The following TMC2 variants were observed in gnomAD, a reference collection of about 807,000 sequenced individuals.
The protein encoded by TMC2 is transmembrane channel like 2, also known as transmembrane channel-like protein 2.
TMC2 carries 102 observed loss-of-function variants against 105.9 expected under a neutral mutation model. The observed-to-expected ratio is 0.96, with a 90% CI of 0.82 to 1.14. The LOEUF is 1.14. Among genes scored for constraint, TMC2 ranks in the 50% most tolerant of loss-of-function variants. The pLI is 0.00. For synonymous variants in TMC2, 402 were observed against 422.8 expected (o/e 0.95, Z 0.60); for missense variants, 1,093 against 1,134.3 (o/e 0.96, Z 0.52).
chr20:2,545,875 A>AAGAAAGAGAAAGAAAGAAAAAGAAAGAG (rs2085922488), intron 2 of TMC2, among the ~76,000 whole-genome samples: 1 of 145,892 alleles, frequency 6.9e-6, no homozygotes, highest in Admixed American at 7.1e-5. Flanking sequence ...AAAAGAAAGA[A>AAGAAAGAGAAAGAAAGAAAAAGAAAGAG]AGAAAAAGAA....
chr20:2,608,696 T>G (rs1348360157), intron 11 of TMC2, among the ~76,000 whole-genome samples: 1 of 152,194 alleles, frequency 6.6e-6, no homozygotes, highest in Non-Finnish European at 1.5e-5. Flanking sequence ...TGGCCTCTGT[T>G]CTACTGAGAT....
intron 2 of TMC2, among the ~76,000 whole-genome samples, chr20:2,542,011 A>T (rs1044434299): frequency 1.3e-5 from 2 of 149,058 alleles, no homozygotes; most frequent in Non-Finnish European, 1.5e-5. Context: ...CATTAGTCTC[A>T]TGTTTGATTA....
chr20:2,626,145 G>A (rs999941757), intron 17 of TMC2, among the ~76,000 whole-genome samples: 3 of 152,190 alleles, frequency 2.0e-5, no homozygotes, highest in Non-Finnish European at 4.4e-5. Flanking sequence ...AATACTAGGA[G>A]ATCACTTAAT....
At position 2,641,360 on chromosome 20, in the gene TMC2, A is replaced by G; in HGVS notation, c.*9A>G. On this transcript the variant is annotated 3_prime_UTR_variant, in exon 20 of 20. Coordinates refer to ENST00000358864, the MANE Select transcript of TMC2 (RefSeq NM_080751.3). ...AGAGACCTCCCCACTGATGGCTAGG[A>G]CTCCAGGGAGCCTCGACCCTAGGGC... is the stretch of plus-strand genomic sequence containing the variant. 6.3e-7 allele frequency: 1 copy of G among 1,595,084 alleles called. No homozygotes were observed. The highest frequency in any genetic ancestry group is 1.1e-5 in the South Asian group (1 of 90,558).
At chr20:2,612,569 T>C (rs1164731688) in intron 13 of TMC2, among the ~76,000 whole-genome samples, 1 of 152,194 alleles carries the variant, frequency 6.6e-6, no homozygotes, top group Non-Finnish European at 1.5e-5. Flanking sequence ...CTGGTAGATA[T>C]TTTCAATTTT....
chr20:2,624,227 A>T (rs369615719), intron 16 of TMC2, 44 bp from the exon 17 acceptor site: 32 of 1,594,214 alleles, frequency 2.0e-5, no homozygotes, highest in Non-Finnish European at 2.6e-5. Flanking sequence ...TGAATGCCAC[A>T]GGCACATGGC....
In TMC2 at chr20:2,624,317, G is replaced by A. The variant is rs767111162; in HGVS notation, c.2227G>A (p.Asp743Asn). ...TGTCCTCCAAGAGACCATTGAAAAC[G>A]ATTTCCCAACCTTCCTGGGCAAGAT... ...YDVLQETIEN[D>N]FPTFLGKIFA... Residue 743 changes from aspartate to asparagine, a missense_variant, in exon 17 of 20, where the codon GAT (aspartate) becomes AAT (asparagine). Coordinates refer to ENST00000358864, the MANE Select transcript of TMC2 (RefSeq NM_080751.3). The A allele has an allele frequency of 1.7e-5, 28 of 1,614,038 alleles. No homozygotes were observed. The African/African-American group carries it at 2.1e-4, about 12-fold the overall frequency.
At chr20:2,634,385 T>C (rs1007979553) in intron 17 of TMC2, among the ~76,000 whole-genome samples, 28 of 152,254 alleles carry the variant, frequency 1.8e-4, no homozygotes, top group Non-Finnish European at 2.2e-4. Context: ...TCTATTCATG[T>C]AACACCCATT....
At chr20:2,613,164 A>G (rs776626712) in intron 13 of TMC2, 30 bp from the exon 14 acceptor site, 4 of 1,602,440 alleles carry the variant, frequency 2.5e-6, no homozygotes, top group Admixed American at 3.4e-5. Context: ...AAGGTCTCCA[A>G]CCACCCCCTC....
In TMC2 at chr20:2,616,210, TTATC is replaced by T. The variant is rs2086480619; in HGVS notation, c.1940+7_1940+10del. 3 of 1,610,622 alleles carry T rather than the reference TTATC, an allele frequency of 1.9e-6. No homozygotes were observed. Among genetic ancestry groups the T allele is most frequent in the Non-Finnish European group, 2.5e-6 (3 of 1,177,058 alleles). On this transcript the variant is annotated splice_region_variant and intron_variant, in intron 15 of 19. Coordinates refer to ENST00000358864, the MANE Select transcript of TMC2 (RefSeq NM_080751.3). The surrounding 1 kb of genome is among the most constrained non-coding windows in gnomAD (Gnocchi z 4.8). ...TTCAACCAAGGAATGATCTGGTGAGTTATCCATTTCATCTGGTGATCGCCTCATC... is the reference window on the plus strand; with the variant it reads ...TTCAACCAAGGAATGATCTGGTGAGTCATTTCATCTGGTGATCGCCTCATC...
intron 11 of TMC2, among the ~76,000 whole-genome samples, chr20:2,604,038 G>A (rs1675274805): frequency 6.6e-6 from 1 of 152,186 alleles, no homozygotes; most frequent in South Asian, 2.1e-4. Context: ...AAACCACAAC[G>A]ATGGCTCCGG....
At chr20:2,628,975 G>C (rs1214024774) in intron 17 of TMC2, among the ~76,000 whole-genome samples, 1 of 151,328 alleles carries the variant, frequency 6.6e-6, no homozygotes, top group African/African-American at 2.4e-5. Context: ...GGTGGCGGGC[G>C]CCTGTGGTCC....
chr20:2,563,766 C>T (rs1204236956), intron 4 of TMC2, among the ~76,000 whole-genome samples: 1 of 152,208 alleles, frequency 6.6e-6, no homozygotes, highest in African/African-American at 2.4e-5. Context: ...CTTGCTCTGT[C>T]ACCCACGCTG....
At chr20:2,624,607 G>C (rs542795258) in intron 17 of TMC2, among the ~76,000 whole-genome samples, 3 of 152,324 alleles carry the variant, frequency 2.0e-5, no homozygotes, top group Admixed American at 1.3e-4. Context: ...ATCACTGTGA[G>C]AATTCTGGGA....
intron 2 of TMC2, among the ~76,000 whole-genome samples, chr20:2,554,665 T>C (rs888418500): frequency 3.9e-5 from 6 of 152,218 alleles, no homozygotes; most frequent in African/African-American, 1.2e-4. Context: ...AAAATATTTT[T>C]TCATTCTCTT....
At chr20:2,578,777 A>AATTTTTGT (rs2086165688) in intron 5 of TMC2, among the ~76,000 whole-genome samples, 2 of 152,178 alleles carry the variant, frequency 1.3e-5, no homozygotes, top group South Asian at 4.1e-4. Context: ...TCTACCTTTG[A>AATTTTTGT]ATTTTTGTTT....
chr20:2,632,714 C>T (rs543160171), intron 17 of TMC2, among the ~76,000 whole-genome samples: 10 of 152,128 alleles, frequency 6.6e-5, no homozygotes, highest in South Asian at 2.1e-4. Flanking sequence ...CCCAGCCTCC[C>T]GAGTAGCTGG....
chr20:2,637,422 C>G, intron 18 of TMC2, 52 bp from the exon 19 acceptor site: 1 of 1,164,614 alleles, frequency 8.6e-7, no homozygotes, highest in Non-Finnish European at 1.3e-6. Flanking sequence ...CACCTCTGAG[C>G]CTCAAAGACC....
intron 16 of TMC2, 70 bp from the exon 17 acceptor site, chr20:2,624,201 G>A (rs2086547599): frequency 4.6e-6 from 7 of 1,533,982 alleles, no homozygotes; most frequent in South Asian, 2.5e-5. Context: ...GGGTAGGGGG[G>A]CCATGGACAC....
Sources: gnomAD v4.1 joint callset for allele counts (sites outside exome capture counted in the v4.1 genomes callset) on GRCh38, gnomAD v4.1.1 for gene constraint, Gnocchi (gnomAD v3.1) non-coding constraint, MANE v1.5 for transcripts, NCBI Gene and HGNC (gene_info 2026-07-23, HGNC 2026-07-21) for gene names.